WDR37: variants seen among roughly 807,000 people sequenced by gnomAD.
WDR37 encodes WD repeat-containing protein 37.
WDR37 carries 19 observed loss-of-function variants against 62.9 expected under a neutral mutation model. The ratio of observed to expected loss-of-function variants is 0.30; its 90% CI spans 0.21 to 0.44. The LOEUF (loss-of-function observed/expected upper bound fraction) is 0.44, where lower values mean the gene tolerates loss of function less well. WDR37 is among the 20% of genes least tolerant of loss of function. The pLI is 1.00. For missense variants in WDR37, 474 were observed against 657.6 expected, an observed-to-expected ratio of 0.72 and a Z score of 3.05; for synonymous variants, 250 against 260.9, an observed-to-expected ratio of 0.96 and a Z score of 0.40.
chr10:1,102,181 C>T (rs911693340), intron 9 of WDR37, among the ~76,000 whole-genome samples: 7 of 137,866 alleles, frequency 5.1e-5, no homozygotes, highest in East Asian at 4.5e-4. Context: ...TGTTCTCGTG[C>T]GGCTGTGTGT....
At chr10:1,101,893 T>G (rs1225501678) in intron 9 of WDR37, among the ~76,000 whole-genome samples, 1 of 152,250 alleles carries the variant, frequency 6.6e-6, no homozygotes, top group Non-Finnish European at 1.5e-5. Context: ...CTGTTTTATT[T>G]TACTTCATAG....
At position 1,120,212 on chromosome 10, in the gene WDR37, G is replaced by A. The variant is rs192979261; in HGVS notation, c.1104-4006G>A. Among the ~76,000 whole-genome samples the A allele has an allele frequency of 2.1e-3, 320 of 152,310 alleles. 1 individual carries two copies. The highest frequency in any genetic ancestry group is 3.4e-3 in the Middle Eastern group (1 of 294). On this transcript the variant is annotated intron_variant, in intron 11 of 13. Transcript: ENST00000263150. Reference sequence around the variant, plus strand: ...GCCGGGATGGAGCTTCGGAGACCCCGAGTGTGCATTTGGGCTGCCTGGCTG... The same window carrying A: ...GCCGGGATGGAGCTTCGGAGACCCCAAGTGTGCATTTGGGCTGCCTGGCTG...
intron 11 of WDR37, among the ~76,000 whole-genome samples, chr10:1,120,587 C>T (rs1255967952): frequency 6.6e-6 from 1 of 152,162 alleles, no homozygotes; most frequent in African/African-American, 2.4e-5. Flanking sequence ...GTTCTCGGTA[C>T]CTTGACTGAG....
chr10:1,081,965 G>C (rs986897845), intron 5 of WDR37, among the ~76,000 whole-genome samples: 30 of 152,034 alleles, frequency 2.0e-4, no homozygotes, highest in African/African-American at 7.0e-4. Context: ...GTAATGCTTT[G>C]CTTTAAAAAA....
At chr10:1,072,904 TCTAA>T (rs1833769288) in intron 2 of WDR37, among the ~76,000 whole-genome samples, 1 of 152,210 alleles carries the variant, frequency 6.6e-6, no homozygotes, top group Non-Finnish European at 1.5e-5. Context: ...GTTTTCTGTC[TCTAA>T]CAGTCTCAAG....
At chr10:1,125,196 C>G (rs1005853119) in intron 13 of WDR37, 172 bp downstream of exon 13, 4 of 723,442 alleles carry the variant, frequency 5.5e-6, no homozygotes, top group Non-Finnish European at 6.8e-6. Flanking sequence ...GTTGTACACT[C>G]AAGTTATTCC....
chr10:1,112,148 G>T (rs190088967), intron 11 of WDR37, among the ~76,000 whole-genome samples: 3 of 152,306 alleles, frequency 2.0e-5, no homozygotes, highest in Admixed American at 2.0e-4. Context: ...GGCTGAGCAG[G>T]TCTGTTGGTG....
chr10:1,086,204 AGAGT>A, intron 6 of WDR37, 78 bp from the exon 7 acceptor site: 1 of 1,129,346 alleles, frequency 8.9e-7, no homozygotes, highest in Non-Finnish European at 1.3e-6. Flanking sequence ...TCCCATTTTT[AGAGT>A]ATTTGTCTTA....
chr10:1,117,039 G>T (rs1476355425), intron 11 of WDR37, among the ~76,000 whole-genome samples: 1 of 152,106 alleles, frequency 6.6e-6, no homozygotes, highest in Non-Finnish European at 1.5e-5. Context: ...CCTTGTTGAT[G>T]CATGTTTTTA....
chr10:1,076,691 A>AC (rs1833887574), intron 2 of WDR37, among the ~76,000 whole-genome samples: 1 of 149,932 alleles, frequency 6.7e-6, no homozygotes, highest in African/African-American at 2.5e-5. Flanking sequence ...AAAAAAAAAA[A>AC]AAAGTTTACG....
intron 1 of WDR37, among the ~76,000 whole-genome samples, chr10:1,061,235 T>G (rs1054668091): frequency 2.0e-5 from 3 of 149,640 alleles, no homozygotes; most frequent in Non-Finnish European, 4.4e-5. Flanking sequence ...ATCTCTCCAT[T>G]AATTCTTTCT....
In WDR37 at chr10:1,105,603, C is replaced by G. The variant is rs546997547; in HGVS notation, c.1103+336C>G. Among the ~76,000 whole-genome samples, 1 of 152,144 alleles carries G rather than the reference C, an allele frequency of 6.6e-6. No homozygotes were observed. The highest frequency in any genetic ancestry group is 1.5e-5 in the Non-Finnish European group (1 of 68,036). The stretch of plus-strand genomic sequence containing the variant: ...GGGCCGGCCACGCCACCATAGGAGC[C>G]GCGGGAGCTGTTACTCCTACCCACG... On this transcript the variant is annotated intron_variant, in intron 11 of 13. Coordinates refer to ENST00000263150, the MANE Select transcript of WDR37 (RefSeq NM_014023.4). The surrounding 1 kb of genome is among the most constrained non-coding windows in gnomAD (Gnocchi z 5.3).
intron 1 of WDR37, among the ~76,000 whole-genome samples, chr10:1,070,616 A>AT (rs764880710): frequency 1.2e-3 from 184 of 152,314 alleles, no homozygotes; most frequent in African/African-American, 4.3e-3. Context: ...TTAGAAAAAT[A>AT]TTTTCATCCT....
intron 13 of WDR37, among the ~76,000 whole-genome samples, chr10:1,128,207 T>C (rs1835860474): frequency 6.6e-6 from 1 of 152,256 alleles, no homozygotes. Flanking sequence ...CTTTATGCCA[T>C]TCTTTGAGTG....
rs368210716 is a variant in WDR37 at position 1,077,927 on chromosome 10, G to A, written c.159G>A (p.Ser53=). ...TGCAGGATTCTAAACTGCCTTCCTC[G>A]GTTCGCAGTACACTTCTGGAACTGT... ...LEGQDSKLPS[S]VRSTLLELFG... is the part of the protein sequence containing the mutation. Residue 53 remains serine (S), a synonymous_variant, in exon 3 of 14, where the codon TCG becomes TCA. Coordinates refer to ENST00000263150, the MANE Select transcript of WDR37 (RefSeq NM_014023.4). 1.9e-6 allele frequency: 3 copies of A among 1,609,626 alleles called. No homozygotes were observed. The highest frequency in any genetic ancestry group is 1.1e-5 in the South Asian group (1 of 89,976).
At chr10:1,068,439 A>G (rs1357398762) in intron 1 of WDR37, among the ~76,000 whole-genome samples, 1 of 151,818 alleles carries the variant, frequency 6.6e-6, no homozygotes, top group African/African-American at 2.4e-5. Context: ...CCTGGGCGAC[A>G]GCGAGACTCT....
intron 13 of WDR37, among the ~76,000 whole-genome samples, chr10:1,127,735 G>A (rs1257196581): frequency 5.9e-5 from 9 of 152,208 alleles, no homozygotes; most frequent in Non-Finnish European, 7.3e-5. Context: ...CACGGAGTGT[G>A]AGGGTCCCTG....
At chr10:1,113,520 G>A (rs1835283765) in intron 11 of WDR37, among the ~76,000 whole-genome samples, 1 of 152,192 alleles carries the variant, frequency 6.6e-6, no homozygotes, top group African/African-American at 2.4e-5. Flanking sequence ...ATGGACCTTG[G>A]CAACGTCAAT....
In WDR37 at chr10:1,116,984, C is replaced by G. The variant is rs114899679; in HGVS notation, c.1104-7234C>G. ...GAGCTGCCGTTCCATCCTCCTCTCT[C>G]AGTGTCCTGTGATATGAACCTAACA... On this transcript the variant is annotated intron_variant, in intron 11 of 13. Coordinates refer to ENST00000263150, the MANE Select transcript of WDR37 (RefSeq NM_014023.4). Among the ~76,000 whole-genome samples the G allele has an allele frequency of 1.7e-3, 255 of 152,164 alleles. 1 individual carries two copies. The highest frequency in any genetic ancestry group is 5.8e-3 in the African/African-American group (241 of 41,426).
Sources: allele counts gnomAD v4.1 joint callset (sites outside exome capture counted in the v4.1 genomes callset), GRCh38; gene constraint gnomAD v4.1.1; non-coding constraint Gnocchi (gnomAD v3.1); transcripts MANE v1.5; gene names NCBI Gene and HGNC (gene_info 2026-07-23, HGNC 2026-07-21).